The following XRN2 variants were observed in gnomAD, a reference collection of about 807,000 sequenced individuals.
XRN2 encodes the protein 5'-3' exoribonuclease 2.
A neutral mutation model predicts 138.5 loss-of-function variants in XRN2; 44 were observed. The observed-to-expected ratio is 0.32, with a 90% CI of 0.25 to 0.41. The LOEUF (loss-of-function observed/expected upper bound fraction) is 0.41, where lower values mean the gene tolerates loss of function less well. Among genes scored for constraint, XRN2 ranks in the 10% least tolerant of loss-of-function variants. The probability of loss-of-function intolerance (pLI) is 1.00; values close to 1 mark genes in which losing one functional copy is unlikely to be tolerated. For missense variants in XRN2, 937 were observed against 1,169.3 expected (o/e 0.80, Z 2.90); for synonymous variants, 354 against 369.4 (o/e 0.96, Z 0.48).
intron 1 of XRN2, among the ~76,000 whole-genome samples, chr20:21,317,688 CTGTGTGAATAGT>C (rs773705299): frequency 1.7e-4 from 26 of 152,256 alleles, no homozygotes; most frequent in Non-Finnish European, 3.7e-4. Flanking sequence ...AATGTAAATG[CTGTGTGAATAGT>C]TGTTATACTG....
chr20:21,364,792 C>T (rs772223354), intron 24 of XRN2, among the ~76,000 whole-genome samples: 8 of 138,910 alleles, frequency 5.8e-5, no homozygotes, highest in Admixed American at 3.0e-4. Flanking sequence ...GGCAACAGGG[C>T]GAGACCTGTC....
intron 6 of XRN2, 69 bp downstream of exon 6, chr20:21,330,774 G>T: frequency 1.4e-6 from 2 of 1,398,310 alleles, no homozygotes; most frequent in South Asian, 2.4e-5. Context: ...TGATATGACT[G>T]ACATTATTTA....
Position 21,386,854 on chromosome 20 carries a change from G to T in XRN2, c.2649-14G>T, listed in dbSNP as rs2038941198. 6.2e-7 allele frequency: 1 copy of T among 1,605,004 alleles called. No individual in the cohort carries two copies. The highest frequency in any genetic ancestry group is 8.5e-7 in the Non-Finnish European group (1 of 1,172,700). Reference sequence around the variant, plus strand: ...AGGTGTGGCTTCTGATGTAAAACTGGTACTTTCCTACAGAGGCGTTGGGGC... The same window carrying T: ...AGGTGTGGCTTCTGATGTAAAACTGTTACTTTCCTACAGAGGCGTTGGGGC... On this transcript the variant is annotated splice_polypyrimidine_tract_variant and intron_variant, in intron 28 of 29. Transcript: ENST00000377191.
chr20:21,365,556 T>C lies in XRN2; in HGVS notation c.2325-17T>C, dbSNP rs1025465999. 6.2e-7 allele frequency: 1 copy of C among 1,613,518 alleles called. No individual in the cohort carries two copies. The highest frequency in any genetic ancestry group is 1.7e-5 in the Admixed American group (1 of 59,924). On this transcript the variant is annotated splice_polypyrimidine_tract_variant and intron_variant, in intron 25 of 29. Coordinates refer to ENST00000377191, the MANE Select transcript of XRN2 (RefSeq NM_012255.5). The stretch of plus-strand genomic sequence containing the variant: ...TTTTCATCCCTATTACTAAGTGTTG[T>C]CTTTTTAAATGGTCAGAAAGCCAGC...
chr20:21,346,680 C>T (rs896790950), intron 17 of XRN2, 130 bp downstream of exon 17: 18 of 1,146,146 alleles, frequency 1.6e-5, no homozygotes, highest in Admixed American at 2.4e-5. Context: ...AGGGCAATGG[C>T]GTGATCTCAA....
At chr20:21,338,122 T>C (rs1447054422) in intron 13 of XRN2, among the ~76,000 whole-genome samples, 1 of 152,146 alleles carries the variant, frequency 6.6e-6, no homozygotes, top group East Asian at 1.9e-4. Flanking sequence ...CTTAAGGCCT[T>C]ATATTGCAGT....
rs11558843 is a variant in XRN2 at position 21,333,599 on chromosome 20, G to C, written c.914G>C (p.Arg305Pro). Residue 305 changes from arginine to proline, a missense_variant, in exon 10 of 30, where the codon CGG becomes CCG. Physicochemically the swap from Arg to Pro is moderately radical, Grantham distance 103. Coordinates refer to ENST00000377191, the MANE Select transcript of XRN2 (RefSeq NM_012255.5). ...PCAEGEFIFL[R>P]LNVLREYLER... ...GCAGAAGGAGAGTTTATCTTCCTTC[G>C]GCTTAATGTTCTTCGTGAGGTATGT... 6.2e-7 allele frequency: 1 copy of C among 1,613,632 alleles called. No individual in the cohort carries two copies. Among genetic ancestry groups the C allele is most frequent in the Non-Finnish European group, 8.5e-7 (1 of 1,179,636 alleles).
At chr20:21,321,173 C>T (rs2038037700) in intron 1 of XRN2, among the ~76,000 whole-genome samples, 2 of 151,714 alleles carry the variant, frequency 1.3e-5, no homozygotes, top group South Asian at 4.2e-4. Flanking sequence ...TGCTATCACA[C>T]CTGGCTAATT....
At chr20:21,354,899 T>C (rs2038557554) in intron 21 of XRN2, 27 bp downstream of exon 21, 1 of 1,574,988 alleles carries the variant, frequency 6.3e-7, no homozygotes, top group Non-Finnish European at 8.7e-7. Context: ...TTAGTTAACA[T>C]TGATCTGTGT....
chr20:21,355,935 A>G, intron 21 of XRN2, 145 bp from the exon 22 acceptor site: 1 of 502,362 alleles, frequency 2.0e-6, no homozygotes, highest in Non-Finnish European at 3.5e-6. Flanking sequence ...CTCTTGTCTA[A>G]CCTATCACTT....
intron 1 of XRN2, among the ~76,000 whole-genome samples, chr20:21,310,919 G>GT (rs879474921): frequency 2.4e-4 from 36 of 149,570 alleles, no homozygotes; most frequent in Non-Finnish European, 2.4e-4. Flanking sequence ...AAATTTTTTT[G>GT]TTTTTTTTTA....
intron 15 of XRN2, among the ~76,000 whole-genome samples, chr20:21,342,727 C>A (rs1264777593): frequency 1.3e-5 from 2 of 152,162 alleles, no homozygotes; most frequent in African/African-American, 4.8e-5. Context: ...TGCATTTAAT[C>A]CTTGCAATAA....
In XRN2 at chr20:21,303,714, A is replaced by T. The variant is rs973497955; in HGVS notation, c.75+241A>T. ...AGGGCCTATAGGGTTCCGAACTCGC[A>T]GGAGGGTCGCTCCTCCCCTACTCGC... On this transcript the variant is annotated intron_variant, in intron 1 of 29. Transcript: ENST00000377191. 3.2e-6 allele frequency: 4 copies of T among 1,248,822 alleles called. No individual in the cohort carries two copies. The East Asian group carries it at 1.1e-4, about 33-fold the overall frequency. The allele number at this position is 1,248,822 out of a possible 1,614,324, so 77.4% of individuals were successfully genotyped here.
At chr20:21,348,466 A>T in intron 19 of XRN2, 36 bp downstream of exon 19, 2 of 1,578,608 alleles carry the variant, frequency 1.3e-6, no homozygotes, top group Admixed American at 1.7e-5. Context: ...GGGTGACAGG[A>T]TTTTTGTCAC....
intron 17 of XRN2, 104 bp downstream of exon 17, chr20:21,346,654 C>CT (rs2038439964): frequency 7.7e-6 from 11 of 1,428,004 alleles, no homozygotes; most frequent in Non-Finnish European, 1.0e-5. Context: ...GAGTCTTGCC[C>CT]TGTCACCTGG....
intron 1 of XRN2, among the ~76,000 whole-genome samples, chr20:21,317,238 G>GT (rs1342077485): frequency 6.6e-6 from 1 of 151,570 alleles, no homozygotes; most frequent in Non-Finnish European, 1.5e-5. Context: ...TTTTTTGTTT[G>GT]TTTGTTTTTG....
chr20:21,369,206 A>C (rs1188073865), intron 27 of XRN2, among the ~76,000 whole-genome samples: 1 of 151,772 alleles, frequency 6.6e-6, no homozygotes, highest in Admixed American at 6.6e-5. Flanking sequence ...TAACATAACG[A>C]CCTCCGTTTC....
rs754800864 is a variant in XRN2 at position 21,365,627 on chromosome 20, G to A, written c.2379G>A (p.Arg793=). The A allele has an allele frequency of 2.5e-6, 4 of 1,613,198 alleles. No individual in the cohort carries two copies. Among genetic ancestry groups the A allele is most frequent in the Non-Finnish European group, 2.5e-6 (3 of 1,179,932 alleles). The change falls in exon 26 of 30, where the codon CGG becomes CGA. Residue 793 remains arginine, a synonymous_variant. Coordinates refer to ENST00000377191, the MANE Select transcript of XRN2 (RefSeq NM_012255.5). ...ACTGGGAAAAATCCAGCAATGGACG[G>A]CAGTGGAAGCCTCAGCTTGGCTTTA... The part of the protein sequence containing the change: ...PSDWEKSSNG[R]QWKPQLGFNR...
chr20:21,344,084 C>A lies in XRN2; in HGVS notation c.1411-6C>A. 2 of 1,591,908 alleles carry A rather than the reference C, an allele frequency of 1.3e-6. No individual in the cohort carries two copies. Among genetic ancestry groups the A allele is most frequent in the South Asian group, 1.1e-5 (1 of 90,316 alleles). ...CCTTCTTCTGTAATGTCATCATTGT[C>A]TGCAGAGTCCTTCGATATCTCCTAA... is the stretch of plus-strand genomic sequence containing the variant. On this transcript the variant is annotated splice_region_variant and splice_polypyrimidine_tract_variant and intron_variant, in intron 15 of 29. Transcript: ENST00000377191.
Sources: gnomAD v4.1 joint callset for allele counts (sites outside exome capture counted in the v4.1 genomes callset) on GRCh38, gnomAD v4.1.1 for gene constraint, MANE v1.5 for transcripts, NCBI Gene and HGNC (gene_info 2026-07-23, HGNC 2026-07-21) for gene names.